Variants in MTUS2 observed in about 807,000 individuals in gnomAD.
The protein encoded by MTUS2 is microtubule-associated tumor suppressor candidate 2.
Under a neutral mutation model 114.1 loss-of-function variants are expected in MTUS2, and 40 were observed. That is an observed-to-expected ratio of 0.35 (90% CI 0.27 to 0.46). MTUS2 has a LOEUF of 0.46. Among genes scored for constraint, MTUS2 ranks in the 20% least tolerant of loss-of-function variants. The pLI, the probability that MTUS2 is intolerant of heterozygous loss-of-function variation, is 1.00. For missense variants in MTUS2, 1,679 were observed against 1,705.4 expected, an observed-to-expected ratio of 0.98 and a Z score of 0.27; for synonymous variants, 688 against 672.0, an observed-to-expected ratio of 1.02 and a Z score of -0.37.
chr13:29,460,769 T>C (rs1018383372), intron 9 of MTUS2, among the ~76,000 whole-genome samples: 12 of 152,196 alleles, frequency 7.9e-5, no homozygotes, highest in Admixed American at 2.0e-4. Flanking sequence ...GTGGTCCTTC[T>C]TTACAGTTAC....
intron 2 of MTUS2, among the ~76,000 whole-genome samples, chr13:28,878,291 G>A (rs977654804): frequency 1.3e-5 from 2 of 151,460 alleles, no homozygotes; most frequent in Non-Finnish European, 2.9e-5. Context: ...GTGTATGTGT[G>A]TACACACACA....
intron 9 of MTUS2, among the ~76,000 whole-genome samples, chr13:29,464,120 T>G (rs984889488): frequency 5.3e-5 from 8 of 152,170 alleles, no homozygotes; most frequent in Admixed American, 4.6e-4. Context: ...GGTTGTGGTG[T>G]TGAGCAAGCC....
chr13:29,493,757 A>G (rs964981710), intron 12 of MTUS2, among the ~76,000 whole-genome samples: 2 of 152,210 alleles, frequency 1.3e-5, no homozygotes, highest in African/African-American at 4.8e-5. Flanking sequence ...CGCTATCCTT[A>G]AAGGAACACA....
chr13:29,369,874 A>G (rs150294633), intron 8 of MTUS2, among the ~76,000 whole-genome samples: 17 of 152,278 alleles, frequency 1.1e-4, no homozygotes, highest in African/African-American at 2.9e-4. Flanking sequence ...TTTTTGTTTC[A>G]GGTTAAAACT....
chr13:29,145,519 CA>C (rs886251012), intron 5 of MTUS2, among the ~76,000 whole-genome samples: 18 of 151,064 alleles, frequency 1.2e-4, no homozygotes, highest in African/African-American at 4.1e-4. Flanking sequence ...GACTCCATCT[CA>C]AAAAAAAATT....
At chr13:29,324,780 C>T in intron 7 of MTUS2, 69 bp downstream of exon 7, 5 of 1,220,134 alleles carry the variant, frequency 4.1e-6, no homozygotes, top group Non-Finnish European at 5.9e-6. Context: ...ATTCAGATGT[C>T]ATTAATGGAG....
Position 29,123,594 on chromosome 13 carries a change from G to A in MTUS2, c.2644+22624G>A, listed in dbSNP as rs188131629. Among the ~76,000 whole-genome samples the A allele has an allele frequency of 2.8e-4, 42 of 152,156 alleles. 1 individual carries two copies. In the East Asian group the frequency reaches 7.5e-3, roughly 27 times the overall value. On this transcript the variant is annotated intron_variant, in intron 5 of 15. Transcript: ENST00000612955. ...TAGCTGGGCATGGTGGTGCATTTCTGTAATCCCTGCTACTCAGGAGGCTGA... is the reference window on the plus strand; with the variant it reads ...TAGCTGGGCATGGTGGTGCATTTCTATAATCCCTGCTACTCAGGAGGCTGA...
intron 2 of MTUS2, among the ~76,000 whole-genome samples, chr13:28,880,054 A>T (rs935226232): frequency 6.6e-6 from 1 of 152,232 alleles, no homozygotes; most frequent in Non-Finnish European, 1.5e-5. Context: ...TCACCATTTC[A>T]TTACGTATCT....
chr13:29,186,020 AG>A (rs1283328895), intron 5 of MTUS2, among the ~76,000 whole-genome samples: 1 of 152,146 alleles, frequency 6.6e-6, no homozygotes, highest in Non-Finnish European at 1.5e-5. Flanking sequence ...AGACCAGCCA[AG>A]GAAACATAAA....
At chr13:29,030,127 T>G (rs1380826479) in intron 3 of MTUS2, among the ~76,000 whole-genome samples, 2 of 152,262 alleles carry the variant, frequency 1.3e-5, no homozygotes. Flanking sequence ...TCTGTGTTGT[T>G]CTGCTTCCTC....
intron 2 of MTUS2, among the ~76,000 whole-genome samples, chr13:28,971,730 A>C (rs568540769): frequency 6.6e-6 from 1 of 152,316 alleles, no homozygotes; most frequent in African/African-American, 2.4e-5. Context: ...GAGCTCGTTT[A>C]CTTCTCATAT....
intron 5 of MTUS2, among the ~76,000 whole-genome samples, chr13:29,193,787 T>A (rs1050109873): frequency 1.3e-4 from 20 of 151,920 alleles, no homozygotes; most frequent in Non-Finnish European, 2.9e-4. Context: ...CATTGCCAAG[T>A]CAATCCTAAG....
intron 4 of MTUS2, among the ~76,000 whole-genome samples, chr13:29,092,885 G>A (rs1427410042): frequency 6.6e-6 from 1 of 152,196 alleles, no homozygotes; most frequent in Non-Finnish European, 1.5e-5. Context: ...ATTTGAAATG[G>A]CTTGAGAGCA....
intron 8 of MTUS2, among the ~76,000 whole-genome samples, chr13:29,386,893 C>T (rs1183739592): frequency 1.3e-5 from 2 of 152,202 alleles, no homozygotes; most frequent in Non-Finnish European, 2.9e-5. Flanking sequence ...GCTCTTTCCA[C>T]TCACGGAGGG....
At chr13:29,076,712 T>C (rs1467313333) in intron 4 of MTUS2, among the ~76,000 whole-genome samples, 1 of 152,166 alleles carries the variant, frequency 6.6e-6, no homozygotes, top group African/African-American at 2.4e-5. Context: ...TGCAGTATCC[T>C]TTATGACCAA....
intron 5 of MTUS2, among the ~76,000 whole-genome samples, chr13:29,268,376 A>G (rs1897746894): frequency 6.6e-6 from 1 of 152,134 alleles, no homozygotes; most frequent in Non-Finnish European, 1.5e-5. Flanking sequence ...GGAGAGACTG[A>G]GGGTCAAGCC....
chr13:29,345,091 TC>T (rs1363425447), intron 7 of MTUS2, among the ~76,000 whole-genome samples: 1 of 152,200 alleles, frequency 6.6e-6, no homozygotes, highest in African/African-American at 2.4e-5. Context: ...CTTTTAAGAT[TC>T]TTTCCTTTGT....
intron 8 of MTUS2, among the ~76,000 whole-genome samples, chr13:29,417,844 G>A (rs1208156620): frequency 2.6e-5 from 4 of 152,012 alleles, no homozygotes; most frequent in Non-Finnish European, 5.9e-5. Context: ...TTATTTTCTA[G>A]TTCTTTGTAA....
At chr13:29,362,462 T>C (rs1033707151) in intron 8 of MTUS2, among the ~76,000 whole-genome samples, 4 of 152,094 alleles carry the variant, frequency 2.6e-5, no homozygotes, top group African/African-American at 7.2e-5. Context: ...AAAATAATTT[T>C]CAGTGGCCAG....
Sources: gnomAD v4.1 joint callset for allele counts (sites outside exome capture counted in the v4.1 genomes callset) on GRCh38, gnomAD v4.1.1 for gene constraint, MANE v1.5 for transcripts, NCBI Gene and HGNC (gene_info 2026-07-23, HGNC 2026-07-21) for gene names.